The following ARHGAP25 variants were observed in gnomAD, a reference collection of about 807,000 sequenced individuals.
The protein encoded by ARHGAP25 is rho GTPase-activating protein 25.
In ARHGAP25, 34 loss-of-function variants were observed where a neutral mutation model predicts 71.0. The observed-to-expected ratio is 0.48, with a 90% CI of 0.36 to 0.64. The LOEUF is 0.64. ARHGAP25 is among the 30% of genes least tolerant of loss of function. ARHGAP25 has a pLI of 0.00. For missense variants in ARHGAP25, 706 were observed against 805.1 expected (o/e 0.88, Z 1.49); for synonymous variants, 282 against 296.5 (o/e 0.95, Z 0.50).
In ARHGAP25 at chr2:68,746,708, C is replaced by CCG. The variant is rs1553395326; in HGVS notation, c.61+11449_61+11450insGC. Among the ~76,000 whole-genome samples the CCG allele has an allele frequency of 8.4e-3, 1,264 of 150,886 alleles. 20 individuals carry two copies. The highest frequency in any genetic ancestry group is 0.029 in the African/African-American group (1,202 of 41,120). The stretch of plus-strand genomic sequence containing the variant: ...TGGGTTTAAAGACAGGGACCACCCC[C>CCG]CTCCCCATCCCCACAGGGCCGGGCG... On this transcript the variant is annotated intron_variant, in intron 1 of 10. Transcript: ENST00000409202.
intron 1 of ARHGAP25, among the ~76,000 whole-genome samples, chr2:68,749,900 C>T (rs1462350721): frequency 2.0e-5 from 3 of 152,208 alleles, no homozygotes; most frequent in African/African-American, 7.2e-5. Flanking sequence ...AATTTTGTTA[C>T]TTTATCATAG....
At chr2:68,782,182 GT>G (rs753485975) in intron 2 of ARHGAP25, 50 bp from the exon 3 acceptor site, 34 of 1,532,700 alleles carry the variant, frequency 2.2e-5, no homozygotes, top group Non-Finnish European at 3.0e-5. Flanking sequence ...CCCAATTTTA[GT>G]TTATATTAAA....
chr2:68,731,171 C>T (rs1675012737), upstream of ARHGAP25, among the ~76,000 whole-genome samples: 1 of 152,112 alleles, frequency 6.6e-6, no homozygotes, highest in African/African-American at 2.4e-5. Flanking sequence ...AAGATCTGCA[C>T]TCAAGTGCCC....
intron 4 of ARHGAP25, among the ~76,000 whole-genome samples, chr2:68,800,201 T>C (rs1573572110): frequency 6.7e-6 from 1 of 149,332 alleles, no homozygotes; most frequent in Non-Finnish European, 1.5e-5. Context: ...TGTATGGGGG[T>C]GGGGAGCTCT....
chr2:68,786,657 G>C (rs1323041364), intron 3 of ARHGAP25, among the ~76,000 whole-genome samples: 1 of 152,188 alleles, frequency 6.6e-6, no homozygotes, highest in East Asian at 1.9e-4. Context: ...CTAATGACAA[G>C]ATGGAGTCAG....
At chr2:68,734,051 A>G (rs558838906), upstream of ARHGAP25, among the ~76,000 whole-genome samples, 25 of 152,352 alleles carry the variant, frequency 1.6e-4, no homozygotes, top group South Asian at 4.8e-3. Context: ...AGGCTGACCC[A>G]GTTAAACATG....
At position 68,776,353 on chromosome 2, in the gene ARHGAP25, G is replaced by C. The variant is rs553233870; in HGVS notation, c.261+933G>C. 2.0e-5 allele frequency among the ~76,000 whole-genome samples: 3 copies of C among 152,232 alleles called. No homozygotes were observed. The South Asian group carries it at 6.2e-4, about 32-fold the overall frequency. On this transcript the variant is annotated intron_variant, in intron 2 of 10. Transcript: ENST00000409202. ...GGCATTGCAGGGCTCTGAGCAGAGA[G>C]TGACAGTTTTTGGTTTAAATTGTAA... is the stretch of plus-strand genomic sequence containing the variant.
rs114791553 is a variant in ARHGAP25, at chr2:68,743,330, T to C, written c.61+8070T>C. The stretch of plus-strand genomic sequence containing the variant: ...GTTTAACTGCTTGTGATCACTTACA[T>C]GTGGGTTACAGCAATGGCAGAGCAG... On this transcript the variant is annotated intron_variant, in intron 1 of 10. Coordinates refer to ENST00000409202, the MANE Select transcript of ARHGAP25 (RefSeq NM_001007231.3). 1.9e-3 allele frequency among the ~76,000 whole-genome samples: 17 copies of C among 8,936 alleles called. No individual in the cohort carries two copies. In the South Asian group the frequency reaches 0.075, roughly 40 times the overall value. 5.9% of individuals were successfully genotyped at this position (8,936 alleles called of 152,430 possible).
At chr2:68,745,847 G>A (rs1675778611) in intron 1 of ARHGAP25, among the ~76,000 whole-genome samples, 1 of 152,216 alleles carries the variant, frequency 6.6e-6, no homozygotes, top group Admixed American at 6.5e-5. Context: ...CTCATTCTTT[G>A]TAGATGATGC....
At chr2:68,772,275 T>C (rs1677535766) in intron 1 of ARHGAP25, among the ~76,000 whole-genome samples, 1 of 152,230 alleles carries the variant, frequency 6.6e-6, no homozygotes, top group Non-Finnish European at 1.5e-5. Flanking sequence ...TGTGGGCCTC[T>C]GGGGGTGGCC....
intron 4 of ARHGAP25, among the ~76,000 whole-genome samples, chr2:68,795,093 GTATTT>G: frequency 1.3e-5 from 2 of 152,024 alleles, no homozygotes; most frequent in Middle Eastern, 6.8e-3. Context: ...ATGATCTTTT[GTATTT>G]CGATGGTATT....
upstream of ARHGAP25, among the ~76,000 whole-genome samples, chr2:68,732,995 A>G (rs1017781279): frequency 3.3e-5 from 5 of 152,250 alleles, no homozygotes; most frequent in African/African-American, 9.6e-5. Context: ...CATTGGAATC[A>G]TCTGCAAATA....
chr2:68,732,778 C>T (rs889953792), upstream of ARHGAP25, among the ~76,000 whole-genome samples: 1 of 152,210 alleles, frequency 6.6e-6, no homozygotes, highest in Non-Finnish European at 1.5e-5. Flanking sequence ...ACAGGGTGTG[C>T]GCAGAGGCGT....
At chr2:68,716,010 C>T (rs1389049325) in intron 2 of ARHGAP25, among the ~76,000 whole-genome samples, 1 of 152,176 alleles carries the variant, frequency 6.6e-6, no homozygotes, top group African/African-American at 2.4e-5. Context: ...GCCCTTCTGG[C>T]GCCCTGCCCT....
intron 2 of ARHGAP25, among the ~76,000 whole-genome samples, chr2:68,711,568 G>A (rs1030149701): frequency 1.3e-5 from 2 of 152,018 alleles, no homozygotes; most frequent in Non-Finnish European, 2.9e-5. Context: ...TATGCAGAAC[G>A]TGTAGGTTTG....
At chr2:68,733,490 G>C (rs1490109601), upstream of ARHGAP25, among the ~76,000 whole-genome samples, 3 of 152,188 alleles carry the variant, frequency 2.0e-5, no homozygotes, top group African/African-American at 7.2e-5. Flanking sequence ...CATCCAGAGA[G>C]ATTTTTTATG....
upstream of ARHGAP25, among the ~76,000 whole-genome samples, chr2:68,731,361 T>A (rs1160472674): frequency 1.3e-5 from 2 of 152,140 alleles, no homozygotes; most frequent in Non-Finnish European, 2.9e-5. Context: ...CCTGGGGCTA[T>A]CAATTCTGTC....
chr2:68,718,264 T>C (rs1400805370), intron 2 of ARHGAP25, among the ~76,000 whole-genome samples: 1 of 152,210 alleles, frequency 6.6e-6, no homozygotes, highest in East Asian at 1.9e-4. Flanking sequence ...ACATTTTCTT[T>C]TTCTGGAGGA....
chr2:68,809,634 T>C (rs13418802), intron 5 of ARHGAP25, among the ~76,000 whole-genome samples: 90,723 of 151,892 alleles, frequency 0.6, 27,663 homozygotes, highest in East Asian at 0.88. Flanking sequence ...GAAGCTATGG[T>C]TGTAGCTTTT....
Sources: allele counts gnomAD v4.1 joint callset (sites outside exome capture counted in the v4.1 genomes callset), GRCh38; gene constraint gnomAD v4.1.1; transcripts MANE v1.5; gene names NCBI Gene and HGNC (gene_info 2026-07-23, HGNC 2026-07-21).